The following SLCO3A1 variants were observed in gnomAD, a reference collection of about 807,000 sequenced individuals.
SLCO3A1 encodes the protein solute carrier organic anion transporter family member 3A1.
Under a neutral mutation model 63.1 loss-of-function variants are expected in SLCO3A1, and 27 were observed. The ratio of observed to expected loss-of-function variants is 0.43; its 90% CI spans 0.32 to 0.59. SLCO3A1 has a LOEUF of 0.59. SLCO3A1 is among the 20% of genes least tolerant of loss of function. The pLI is 0.09. For missense variants in SLCO3A1, 773 were observed against 945.8 expected (o/e 0.82, Z 2.40); for synonymous variants, 473 against 409.9 (o/e 1.15, Z -1.86).
Position 92,087,831 on chromosome 15 carries a change from A to G in SLCO3A1, c.647-7050A>G, listed in dbSNP as rs559679976. 5.3e-5 allele frequency among the ~76,000 whole-genome samples: 8 copies of G among 152,238 alleles called. No individual in the cohort carries two copies. In the South Asian group the frequency reaches 1.7e-3, roughly 32 times the overall value. Reference sequence around the variant, plus strand: ...ACCACGCCCAGCCCCATCTATTATTATCTTATATCAGTAATAGTATTAAAG... The same window carrying G: ...ACCACGCCCAGCCCCATCTATTATTGTCTTATATCAGTAATAGTATTAAAG... On this transcript the variant is annotated intron_variant, in intron 2 of 9. Transcript: ENST00000318445.
intron 2 of SLCO3A1, among the ~76,000 whole-genome samples, chr15:92,037,804 C>T (rs745374947): frequency 6.6e-6 from 1 of 152,186 alleles, no homozygotes; most frequent in South Asian, 2.1e-4. Context: ...TTCCCTTCAG[C>T]TGGTTTTTAA....
intron 2 of SLCO3A1, among the ~76,000 whole-genome samples, chr15:91,947,177 A>T (rs1398519714): frequency 1.3e-5 from 2 of 152,194 alleles, no homozygotes; most frequent in African/African-American, 4.8e-5. Context: ...TGAAATATCC[A>T]TGCTTGCCCC....
At chr15:91,917,719 A>T (rs1441072612) in intron 2 of SLCO3A1, among the ~76,000 whole-genome samples, 1 of 152,208 alleles carries the variant, frequency 6.6e-6, no homozygotes, top group East Asian at 1.9e-4. Flanking sequence ...GAGAGTGGTT[A>T]TGGTGGAGGA....
At position 92,165,806 on chromosome 15, in the gene SLCO3A1, A is replaced by T; in HGVS notation, c.*2671A>T. The T allele has an allele frequency of 1.0e-6, 1 of 985,308 alleles. No homozygotes were observed. Among genetic ancestry groups the T allele is most frequent in the South Asian group, 4.7e-5 (1 of 21,278 alleles). 61.0% of individuals were successfully genotyped at this position (985,308 alleles called of 1,614,324 possible). ...CAACACTAGATCCAGCCCCTCGATTATCTGTTTGGTTTCAAGTGAATGAAA... is the reference window on the plus strand; with the variant it reads ...CAACACTAGATCCAGCCCCTCGATTTTCTGTTTGGTTTCAAGTGAATGAAA... On this transcript the variant is annotated 3_prime_UTR_variant, in exon 10 of 10. Transcript: ENST00000318445.
intron 1 of SLCO3A1, among the ~76,000 whole-genome samples, chr15:91,890,955 G>A (rs1186192146): frequency 6.6e-6 from 1 of 152,102 alleles, no homozygotes; most frequent in Non-Finnish European, 1.5e-5. Flanking sequence ...CACAATAATT[G>A]CCACGTAATG....
At chr15:91,868,274 A>T (rs1897214249) in intron 1 of SLCO3A1, among the ~76,000 whole-genome samples, 3 of 145,536 alleles carry the variant, frequency 2.1e-5, no homozygotes, top group Non-Finnish European at 4.5e-5. Flanking sequence ...CTAGTCTCGA[A>T]CTCCTGACCT....
In SLCO3A1 at chr15:92,048,114, C is replaced by T. The variant is rs1221335962; in HGVS notation, c.647-46767C>T. Among the ~76,000 whole-genome samples the T allele has an allele frequency of 2.0e-5, 3 of 152,244 alleles. No individual in the cohort carries two copies. In the East Asian group the frequency reaches 5.8e-4, roughly 29 times the overall value. ...TCTCCATAGGAACTGCTTCTCTGCTCTGTCCCTGAGTGGCATCTAGAATCT... is the reference window on the plus strand; with the variant it reads ...TCTCCATAGGAACTGCTTCTCTGCTTTGTCCCTGAGTGGCATCTAGAATCT... On this transcript the variant is annotated intron_variant, in intron 2 of 9. Coordinates refer to ENST00000318445, the MANE Select transcript of SLCO3A1 (RefSeq NM_013272.4).
chr15:91,880,127 GTCCGTCCATCCA>G (rs1336332168), intron 1 of SLCO3A1, among the ~76,000 whole-genome samples: 28 of 124,288 alleles, frequency 2.3e-4, no homozygotes, highest in African/African-American at 9.3e-4. Flanking sequence ...CCGTCCGTCC[GTCCGTCCATCCA>G]TCCATCCATC....
intron 2 of SLCO3A1, among the ~76,000 whole-genome samples, chr15:92,052,875 TAAATA>T (rs2046974196): frequency 6.6e-6 from 1 of 152,204 alleles, no homozygotes; most frequent in African/African-American, 2.4e-5. Context: ...TACGTTAAGT[TAAATA>T]AAATGTTGTT....
At chr15:91,988,567 TC>T (rs1335523708) in intron 2 of SLCO3A1, among the ~76,000 whole-genome samples, 1 of 152,046 alleles carries the variant, frequency 6.6e-6, no homozygotes, top group Non-Finnish European at 1.5e-5. Context: ...AGTAAAATAA[TC>T]AAAATCCTGT....
intron 2 of SLCO3A1, among the ~76,000 whole-genome samples, chr15:91,983,162 C>G (rs1449804024): frequency 2.0e-5 from 3 of 152,234 alleles, no homozygotes; most frequent in African/African-American, 7.2e-5. Context: ...CTGTAGTGAT[C>G]AATAACTGAG....
chr15:92,019,217 C>A (rs754520832), intron 2 of SLCO3A1, among the ~76,000 whole-genome samples: 5 of 152,138 alleles, frequency 3.3e-5, no homozygotes, highest in Admixed American at 6.5e-5. Context: ...GTCAAACTAT[C>A]TGCCTGACTC....
At chr15:91,957,092 A>AATATATAATATATAGT (rs1900246382) in intron 2 of SLCO3A1, among the ~76,000 whole-genome samples, 2 of 514 alleles carry the variant, frequency 3.9e-3, no homozygotes, top group Non-Finnish European at 5.1e-3. Context: ...TAGTATATAT[A>AATATATAATATATAGT]ATATATATAA....
At position 92,165,084 on chromosome 15, in the gene SLCO3A1, T is replaced by G; in HGVS notation, c.*1949T>G. On this transcript the variant is annotated 3_prime_UTR_variant, in exon 10 of 10. Coordinates refer to ENST00000318445, the MANE Select transcript of SLCO3A1 (RefSeq NM_013272.4). ...GACAGGTATGGTACCGAATTTTTAA[T>G]GAACATTGTAAATGAAGAGGCTTGA... 2 of 985,360 alleles carry G rather than the reference T, an allele frequency of 2.0e-6. No homozygotes were observed. Among genetic ancestry groups the G allele is most frequent in the Non-Finnish European group, 2.4e-6 (2 of 829,864 alleles). The allele number at this position is 985,360 out of a possible 1,614,324, so 61.0% of individuals were successfully genotyped here.
chr15:92,077,653 C>T (rs1162551619), intron 2 of SLCO3A1, among the ~76,000 whole-genome samples: 7 of 152,226 alleles, frequency 4.6e-5, no homozygotes, highest in Admixed American at 1.3e-4. Flanking sequence ...ACTGTAGGTG[C>T]GGGGTGGAGT....
Position 91,966,659 on chromosome 15 carries a change from A to G in SLCO3A1, c.646+50201A>G, listed in dbSNP as rs369684432. On this transcript the variant is annotated intron_variant, in intron 2 of 9. Transcript: ENST00000318445. Reference sequence around the variant, plus strand: ...GATGTGCTTTCCAAATGCAAATTGTAGGAACATTTAATTAAATGGGACCCT... The same window carrying G: ...GATGTGCTTTCCAAATGCAAATTGTGGGAACATTTAATTAAATGGGACCCT... 2.1e-4 allele frequency among the ~76,000 whole-genome samples: 32 copies of G among 152,330 alleles called. No individual in the cohort carries two copies. The South Asian group carries it at 4.6e-3, about 22-fold the overall frequency.
At chr15:92,067,397 G>A (rs1005089230) in intron 2 of SLCO3A1, among the ~76,000 whole-genome samples, 4 of 149,158 alleles carry the variant, frequency 2.7e-5, no homozygotes, top group East Asian at 2.1e-4. Flanking sequence ...CTACATCCCC[G>A]AGGGAGAAGT....
intron 9 of SLCO3A1, among the ~76,000 whole-genome samples, chr15:92,160,927 G>A (rs1163161436): frequency 6.6e-6 from 1 of 152,064 alleles, no homozygotes; most frequent in Non-Finnish European, 1.5e-5. Context: ...GGACTTCAGG[G>A]GCCTATGAAC....
intron 1 of SLCO3A1, among the ~76,000 whole-genome samples, chr15:91,881,977 C>A (rs902486001): frequency 6.6e-6 from 1 of 152,164 alleles, no homozygotes. Flanking sequence ...TCATGCAAAA[C>A]CCTTAAGATC....
Sources: gnomAD v4.1 joint callset for allele counts (sites outside exome capture counted in the v4.1 genomes callset) on GRCh38, gnomAD v4.1.1 for gene constraint, MANE v1.5 for transcripts, NCBI Gene and HGNC (gene_info 2026-07-23, HGNC 2026-07-21) for gene names.